COL6A6: variants seen among roughly 807,000 people sequenced by gnomAD.
COL6A6 encodes the protein collagen type VI alpha 6 chain.
A neutral mutation model predicts 208.6 loss-of-function variants in COL6A6; 183 were observed. The ratio of observed to expected loss-of-function variants is 0.88; its 90% CI spans 0.78 to 0.99. The LOEUF is 0.99. COL6A6 is among the 50% of genes least tolerant of loss of function. The pLI is 0.00. For missense variants in COL6A6, 2,816 were observed against 2,815.2 expected, an observed-to-expected ratio of 1.00 and a Z score of -0.01; for synonymous variants, 973 against 1,011.8, an observed-to-expected ratio of 0.96 and a Z score of 0.73.
intron 21 of COL6A6, among the ~76,000 whole-genome samples, chr3:130,607,300 T>C (rs2064213203): frequency 6.6e-6 from 1 of 152,180 alleles, no homozygotes; most frequent in African/African-American, 2.4e-5. Flanking sequence ...CTTACAATTA[T>C]AAAAAACCCC....
intron 23 of COL6A6, among the ~76,000 whole-genome samples, chr3:130,614,203 G>A (rs910874640): frequency 1.3e-5 from 2 of 152,066 alleles, no homozygotes; most frequent in Non-Finnish European, 2.9e-5. Context: ...GGTTTGTTGA[G>A]GGTTTTTAAC....
At chr3:130,665,658 G>A (rs1411994262) in intron 36 of COL6A6, among the ~76,000 whole-genome samples, 12 of 152,096 alleles carry the variant, frequency 7.9e-5, no homozygotes. Flanking sequence ...TCTATATAGA[G>A]GACTTCCAAA....
intron 28 of COL6A6, among the ~76,000 whole-genome samples, chr3:130,641,190 CAGTAAGGG>C (rs2065297350): frequency 6.9e-6 from 1 of 144,420 alleles, no homozygotes; most frequent in South Asian, 2.2e-4. Flanking sequence ...CAGCAACAAA[CAGTAAGGG>C]ACTAACTAAA....
Position 130,573,965 on chromosome 3 carries a change from T to C in COL6A6, c.2987T>C (p.Ile996Thr). 1.2e-6 allele frequency: 2 copies of C among 1,605,222 alleles called. No individual in the cohort carries two copies. Among genetic ancestry groups the C allele is most frequent in the Admixed American group, 1.7e-5 (1 of 59,814 alleles). ...CTTCTCTTCTTTGTAGATTGTGAAA[T>C]TGACAAAGTAGATCTTGTTTTCCTT... ...VCNSSKVDCE[I>T]DKVDLVFLMD... The change falls in exon 8 of 37, where the codon ATT (isoleucine) becomes ACT (threonine). Residue 996 changes from isoleucine (I) to threonine (T), a missense_variant. Ile to Thr is a moderately conservative substitution (Grantham distance 89). Transcript: ENST00000358511.
intron 10 of COL6A6, among the ~76,000 whole-genome samples, chr3:130,584,413 A>G (rs1296971694): frequency 6.6e-6 from 1 of 151,996 alleles, no homozygotes; most frequent in Non-Finnish European, 1.5e-5. Context: ...AGCATTTCAT[A>G]TCCCAGCCCA....
chr3:130,673,614 C>T (rs989379790), intron 36 of COL6A6, among the ~76,000 whole-genome samples: 1 of 152,050 alleles, frequency 6.6e-6, no homozygotes, highest in Non-Finnish European at 1.5e-5. Context: ...TGCATACAAT[C>T]GTCACTTTGG....
intron 1 of COL6A6, among the ~76,000 whole-genome samples, chr3:130,540,860 G>C (rs2062346417): frequency 6.6e-6 from 1 of 152,178 alleles, no homozygotes; most frequent in African/African-American, 2.4e-5. Flanking sequence ...TGGCTGCATA[G>C]TATTCCATGG....
At chr3:130,592,780 T>C in intron 15 of COL6A6, 58 bp downstream of exon 15, 2 of 1,447,756 alleles carry the variant, frequency 1.4e-6, no homozygotes, top group South Asian at 1.3e-5. Context: ...ATATTTTTAT[T>C]TTTGAGATTA....
intron 32 of COL6A6, among the ~76,000 whole-genome samples, chr3:130,648,516 C>T (rs1189371888): frequency 6.6e-6 from 1 of 152,208 alleles, no homozygotes; most frequent in East Asian, 1.9e-4. Context: ...GACAGGGTCA[C>T]ATGGCTGGTT....
intron 29 of COL6A6, among the ~76,000 whole-genome samples, chr3:130,642,554 G>T (rs2065347034): frequency 6.6e-6 from 1 of 152,136 alleles, no homozygotes; most frequent in African/African-American, 2.4e-5. Flanking sequence ...GCTCCATCCT[G>T]GTAATTCTGG....
At position 130,613,555 on chromosome 3, in the gene COL6A6, C is replaced by T. The variant is rs146707325; in HGVS notation, c.4815+2844C>T. 1.9e-3 allele frequency among the ~76,000 whole-genome samples: 295 copies of T among 152,230 alleles called. 1 individual carries two copies. The highest frequency in any genetic ancestry group is 6.6e-3 in the African/African-American group (275 of 41,538). ...TTTTTTCTATTTCTGTGAAGAATGT[C>T]ATTGGTAGTTTGATGGAAATAGCAT... On this transcript the variant is annotated intron_variant, in intron 23 of 36. Coordinates refer to ENST00000358511, the MANE Select transcript of COL6A6 (RefSeq NM_001102608.3).
chr3:130,535,188 C>T (rs1204554523), intron 1 of COL6A6, among the ~76,000 whole-genome samples: 1 of 152,022 alleles, frequency 6.6e-6, no homozygotes, highest in African/African-American at 2.4e-5. Flanking sequence ...TTTAACTTCC[C>T]TGTTATATTT....
chr3:130,549,909 A>G (rs1394507674), intron 1 of COL6A6, among the ~76,000 whole-genome samples: 1 of 152,138 alleles, frequency 6.6e-6, no homozygotes, highest in African/African-American at 2.4e-5. Context: ...TCTTTTCCTC[A>G]TTCTCTGAAG....
chr3:130,563,462 C>T lies in COL6A6; in HGVS notation c.459C>T (p.Ala153=). 6.2e-7 allele frequency: 1 copy of T among 1,613,966 alleles called. No individual in the cohort carries two copies. The highest frequency in any genetic ancestry group is 8.5e-7 in the Non-Finnish European group (1 of 1,179,888). ...ATAATGTGGAAGAGGCATCAAAGGC[C>T]CTGCGGAAAGACGGAGTGAAAATCA... ...SEDNVEEASK[A]LRKDGVKIIS... Residue 153 remains alanine, a synonymous_variant, in exon 3 of 37, where the codon GCC becomes GCT. Coordinates refer to ENST00000358511, the MANE Select transcript of COL6A6 (RefSeq NM_001102608.3).
intron 1 of COL6A6, among the ~76,000 whole-genome samples, chr3:130,523,573 G>T: frequency 6.6e-6 from 1 of 152,126 alleles, no homozygotes; most frequent in East Asian, 1.9e-4. Flanking sequence ...TGAAATTATG[G>T]ATCTGGGGTT....
chr3:130,560,331 C>A lies in COL6A6; in HGVS notation c.-31-3C>A. The A allele has an allele frequency of 6.4e-7, 1 of 1,572,098 alleles. No homozygotes were observed. The highest frequency in any genetic ancestry group is 1.8e-5 in the Admixed American group (1 of 56,232). The stretch of plus-strand genomic sequence containing the variant: ...CAATTTGTTTATATTTTTGCCTTTT[C>A]AGATTTGAAGTTGAAGATTTTTCAG... On this transcript the variant is annotated splice_polypyrimidine_tract_variant and splice_region_variant and intron_variant, in intron 1 of 36. Coordinates refer to ENST00000358511, the MANE Select transcript of COL6A6 (RefSeq NM_001102608.3).
intron 10 of COL6A6, among the ~76,000 whole-genome samples, chr3:130,584,591 CT>C (rs1042540522): frequency 1.5e-4 from 23 of 151,868 alleles, no homozygotes; most frequent in African/African-American, 5.1e-4. Context: ...TTTGTTCTTT[CT>C]TTTTTTATTT....
chr3:130,664,690 A>G (rs1463301718), intron 35 of COL6A6, among the ~76,000 whole-genome samples: 3 of 152,180 alleles, frequency 2.0e-5, no homozygotes, highest in African/African-American at 4.8e-5. Flanking sequence ...TTGTTAGTTT[A>G]TATCAATTAA....
intron 1 of COL6A6, among the ~76,000 whole-genome samples, chr3:130,554,900 A>G (rs2062733186): frequency 6.6e-6 from 1 of 152,138 alleles, no homozygotes; most frequent in African/African-American, 2.4e-5. Context: ...GTCGGCCAGC[A>G]TAGGAGCTAT....
Sources: allele counts gnomAD v4.1 joint callset (sites outside exome capture counted in the v4.1 genomes callset), GRCh38; gene constraint gnomAD v4.1.1; transcripts MANE v1.5; gene names NCBI Gene and HGNC (gene_info 2026-07-23, HGNC 2026-07-21).